Variants in GRM8 observed in about 807,000 individuals in gnomAD.
GRM8 encodes glutamate metabotropic receptor 8.
GRM8 carries 47 observed loss-of-function variants against 87.2 expected under a neutral mutation model. That is an observed-to-expected ratio of 0.54 (90% CI 0.43 to 0.69). GRM8 has a LOEUF of 0.69. Ranked by LOEUF, GRM8 falls within the 30% of genes least tolerant of loss-of-function variation. The probability of loss-of-function intolerance (pLI) is 0.00; values close to 1 mark genes in which losing one functional copy is unlikely to be tolerated. For synonymous variants in GRM8, 396 were observed against 404.5 expected, an observed-to-expected ratio of 0.98 and a Z score of 0.25; for missense variants, 1,019 against 1,139.2, an observed-to-expected ratio of 0.89 and a Z score of 1.52.
intron 9 of GRM8, among the ~76,000 whole-genome samples, chr7:126,509,320 C>T (rs1810974569): frequency 6.6e-6 from 1 of 151,824 alleles, no homozygotes; most frequent in Non-Finnish European, 1.5e-5. Context: ...CTTATGACAC[C>T]AGAAAGACAG....
intron 7 of GRM8, among the ~76,000 whole-genome samples, chr7:126,721,540 A>G (rs1215103800): frequency 2.0e-5 from 3 of 152,060 alleles, no homozygotes; most frequent in Non-Finnish European, 4.4e-5. Context: ...CTTCAAAGAT[A>G]TTTTCCCAGG....
At chr7:126,668,083 G>A (rs545197022) in intron 7 of GRM8, among the ~76,000 whole-genome samples, 1 of 152,156 alleles carries the variant, frequency 6.6e-6, no homozygotes, top group Non-Finnish European at 1.5e-5. Context: ...GCCCTTTGCA[G>A]CGGTGAGGAG....
chr7:126,610,149 T>C (rs1798777214), intron 7 of GRM8, among the ~76,000 whole-genome samples: 1 of 152,216 alleles, frequency 6.6e-6, no homozygotes, highest in African/African-American at 2.4e-5. Flanking sequence ...GCAAGAACTG[T>C]AGTCTTTTCT....
chr7:127,241,351 A>G (rs537158975), intron 2 of GRM8, among the ~76,000 whole-genome samples: 1 of 151,670 alleles, frequency 6.6e-6, no homozygotes, highest in South Asian at 2.1e-4. Context: ...CTTTGTTCAC[A>G]TTTGTCACAA....
chr7:126,572,037 G>A (rs968847275), intron 8 of GRM8, among the ~76,000 whole-genome samples: 1 of 152,062 alleles, frequency 6.6e-6, no homozygotes, highest in Non-Finnish European at 1.5e-5. Flanking sequence ...CACCACACCT[G>A]GCCCCAGGAA....
intron 7 of GRM8, among the ~76,000 whole-genome samples, chr7:126,766,198 G>A (rs1183754485): frequency 6.6e-6 from 1 of 151,602 alleles, no homozygotes; most frequent in East Asian, 1.9e-4. Flanking sequence ...GTTACAATGT[G>A]AGAAAGATTA....
chr7:126,489,737 G>A (rs2150633723), intron 9 of GRM8, among the ~76,000 whole-genome samples: 1 of 152,132 alleles, frequency 6.6e-6, no homozygotes, highest in East Asian at 1.9e-4. Flanking sequence ...CTTAAGGGAT[G>A]CCCAGATAGC....
At chr7:126,527,774 T>G (rs1250662120) in intron 9 of GRM8, among the ~76,000 whole-genome samples, 1 of 152,206 alleles carries the variant, frequency 6.6e-6, no homozygotes, top group Non-Finnish European at 1.5e-5. Context: ...GTCTGTTAAA[T>G]ATTTGAAGGC....
At chr7:126,963,833 A>G (rs1809559650) in intron 3 of GRM8, among the ~76,000 whole-genome samples, 1 of 152,172 alleles carries the variant, frequency 6.6e-6, no homozygotes, top group South Asian at 2.1e-4. Context: ...TTCATATGGA[A>G]CCAAAAAAGA....
At chr7:126,739,963 G>GGTTTGTATAAATACTTCTATGAT (rs1351814394) in intron 7 of GRM8, among the ~76,000 whole-genome samples, 11 of 151,886 alleles carry the variant, frequency 7.2e-5, no homozygotes, top group Admixed American at 4.6e-4. Context: ...ATACCATCTA[G>GGTTTGTATAAATACTTCTATGAT]GTTTGTATAA....
intron 6 of GRM8, among the ~76,000 whole-genome samples, chr7:126,835,163 G>A (rs952153360): frequency 6.6e-6 from 1 of 151,832 alleles, no homozygotes; most frequent in Non-Finnish European, 1.5e-5. Flanking sequence ...ACCATGTAGC[G>A]TATTTCCCTA....
intron 8 of GRM8, among the ~76,000 whole-genome samples, chr7:126,545,220 G>A (rs1817012749): frequency 6.6e-6 from 1 of 152,156 alleles, no homozygotes; most frequent in African/African-American, 2.4e-5. Flanking sequence ...CAGGAAGTCA[G>A]ACCTGTAATA....
chr7:126,864,269 G>A (rs1798406691), intron 6 of GRM8, among the ~76,000 whole-genome samples: 1 of 151,654 alleles, frequency 6.6e-6, no homozygotes, highest in South Asian at 2.1e-4. Flanking sequence ...CTTCAGTCTG[G>A]GAATTCACTT....
At chr7:126,446,472 TAAAGGCACATTA>T in intron 9 of GRM8, 100 bp from the exon 10 acceptor site, 1 of 753,746 alleles carries the variant, frequency 1.3e-6, no homozygotes, top group Non-Finnish European at 2.2e-6. Flanking sequence ...GCTTCTCTGC[TAAAGGCACATTA>T]AAAGGCACTT....
At chr7:126,739,718 C>T (rs993169097) in intron 7 of GRM8, among the ~76,000 whole-genome samples, 2 of 128,282 alleles carry the variant, frequency 1.6e-5, no homozygotes, top group Non-Finnish European at 3.7e-5. Flanking sequence ...TCTGATTTAA[C>T]ATCAGCTATA....
chr7:126,552,622 G>A (rs893855260), intron 8 of GRM8, among the ~76,000 whole-genome samples: 2 of 152,042 alleles, frequency 1.3e-5, no homozygotes, highest in Admixed American at 6.6e-5. Flanking sequence ...ATATAAAATA[G>A]AATGTATAAT....
At chr7:126,442,785 G>A (rs572200890) in intron 10 of GRM8, among the ~76,000 whole-genome samples, 1 of 152,012 alleles carries the variant, frequency 6.6e-6, no homozygotes, top group African/African-American at 2.4e-5. Flanking sequence ...GAAAATGGTA[G>A]AATTCTATTG....
chr7:127,243,559 A>C (rs191564489), intron 1 of GRM8, 44 bp from the exon 2 acceptor site: 7 of 211,832 alleles, frequency 3.3e-5, no homozygotes, highest in Admixed American at 2.1e-4. Flanking sequence ...GTGGGTCTAC[A>C]TGTTTCACAT....
chr7:126,761,953 A>G (rs758233262), intron 7 of GRM8, among the ~76,000 whole-genome samples: 13 of 152,180 alleles, frequency 8.5e-5, no homozygotes, highest in Non-Finnish European at 1.9e-4. Context: ...TCTCAACCTT[A>G]TACTGTGTTT....
Sources: gnomAD v4.1 joint callset for allele counts (sites outside exome capture counted in the v4.1 genomes callset) on GRCh38, gnomAD v4.1.1 for gene constraint, MANE v1.5 for transcripts, NCBI Gene and HGNC (gene_info 2026-07-23, HGNC 2026-07-21) for gene names.